The following PPP2R5C variants were observed in gnomAD, a reference collection of about 807,000 sequenced individuals.
PPP2R5C encodes serine/threonine-protein phosphatase 2A 56 kDa regulatory subunit gamma isoform.
Under a neutral mutation model 68.9 loss-of-function variants are expected in PPP2R5C, and 7 were observed. That is an observed-to-expected ratio of 0.10 (90% CI 0.06 to 0.19). PPP2R5C has a LOEUF of 0.19. PPP2R5C is among the 10% of genes least tolerant of loss of function. The pLI, the probability that PPP2R5C is intolerant of heterozygous loss-of-function variation, is 1.00. For missense variants in PPP2R5C, 348 were observed against 641.3 expected (o/e 0.54, Z 4.94); for synonymous variants, 210 against 222.2 (o/e 0.95, Z 0.49).
In PPP2R5C at chr14:101,891,193, G is replaced by A. The variant is rs1359937504; in HGVS notation, c.689+897G>A. ...AGTGCTTTTTCCTGCACCTTTTTAG[G>A]GATGTAGTGTAGATGGGCAGTTCCG... On this transcript the variant is annotated intron_variant, in intron 6 of 13. Transcript: ENST00000334743. The surrounding 1 kb of genome is among the most constrained non-coding windows in gnomAD (Gnocchi z 4.9). 4.6e-5 allele frequency among the ~76,000 whole-genome samples: 7 copies of A among 152,020 alleles called. No homozygotes were observed. Among genetic ancestry groups the A allele is most frequent in the African/African-American group, 1.7e-4 (7 of 41,386 alleles).
upstream of PPP2R5C, among the ~76,000 whole-genome samples, chr14:101,806,171 C>T (rs2140162636): frequency 6.6e-6 from 1 of 152,184 alleles, no homozygotes; most frequent in East Asian, 1.9e-4. Flanking sequence ...ATACATGTGT[C>T]ATGGTGGTTT....
At chr14:101,905,956 C>A (rs1299385632) in intron 9 of PPP2R5C, among the ~76,000 whole-genome samples, 1 of 152,196 alleles carries the variant, frequency 6.6e-6, no homozygotes, top group Non-Finnish European at 1.5e-5. Context: ...AATTAATAAT[C>A]ATCCATCACC....
chr14:101,830,381 C>T (rs2040664168), intron 1 of PPP2R5C, among the ~76,000 whole-genome samples: 1 of 152,252 alleles, frequency 6.6e-6, no homozygotes, highest in Admixed American at 6.5e-5. Flanking sequence ...CCATTCAGAA[C>T]TGTAAACAAA....
intron 12 of PPP2R5C, among the ~76,000 whole-genome samples, chr14:101,914,005 T>C (rs1466732890): frequency 6.6e-6 from 1 of 152,260 alleles, no homozygotes; most frequent in Non-Finnish European, 1.5e-5. Flanking sequence ...TTGTTTGTGT[T>C]GACAAACATG....
intron 3 of PPP2R5C, 25 bp from the exon 6 acceptor site, chr14:101,883,232 G>C: frequency 2.1e-6 from 3 of 1,432,372 alleles, no homozygotes; most frequent in South Asian, 1.2e-5. Flanking sequence ...CATGTTATTT[G>C]ACTCATTGTT....
At chr14:101,783,528 G>A (rs577146050) in intron 2 of PPP2R5C, among the ~76,000 whole-genome samples, 7 of 151,768 alleles carry the variant, frequency 4.6e-5, no homozygotes, top group South Asian at 2.1e-4. Flanking sequence ...TGGCCCTGAC[G>A]AGAGAATGGA....
rs145865284 is a variant in PPP2R5C at position 101,764,069 on chromosome 14, T to A, written c.93+1099T>A. Among the ~76,000 whole-genome samples, 693 of 150,556 alleles carry A rather than the reference T, an allele frequency of 4.6e-3. 26 individuals are homozygous for A. Among genetic ancestry groups the A allele is most frequent in the Non-Finnish European group, 8.7e-4 (59 of 67,836 alleles). On this transcript the variant is annotated intron_variant, in intron 2 of 14. Coordinates refer to the PPP2R5C transcript ENST00000328724. The stretch of plus-strand genomic sequence containing the variant: ...CGCGTCGGCCACTTGTAAATTTCTT[T>A]GCTTCTTGGCTTTGGCCTCATTGAG...
intron 3 of PPP2R5C, chr14:101,883,019 T>C (rs572264794): frequency 4.5e-6 from 2 of 446,126 alleles, no homozygotes; most frequent in Admixed American, 4.1e-5. Context: ...ACATCAGCCA[T>C]GGAGATCATT....
chr14:101,863,825 G>T (rs1284866685), intron 2 of PPP2R5C, among the ~76,000 whole-genome samples: 2 of 152,116 alleles, frequency 1.3e-5, no homozygotes, highest in African/African-American at 4.8e-5. Flanking sequence ...TTGAACCCGG[G>T]AGTGGGAGGT....
At chr14:101,829,463 C>A (rs891218632) in intron 1 of PPP2R5C, among the ~76,000 whole-genome samples, 1 of 152,068 alleles carries the variant, frequency 6.6e-6, no homozygotes, top group African/African-American at 2.4e-5. Flanking sequence ...GGCTACGGGC[C>A]CCACCTGGAC....
chr14:101,779,965 T>C (rs530547881), intron 2 of PPP2R5C, among the ~76,000 whole-genome samples: 2 of 152,298 alleles, frequency 1.3e-5, no homozygotes, highest in African/African-American at 4.8e-5. Flanking sequence ...GGGAATCATA[T>C]AGGGAAGCCC....
rs2044206876 is a variant in PPP2R5C, at chr14:101,882,147, T to C, written c.295-14T>C. 2 of 1,556,282 alleles carry C rather than the reference T, an allele frequency of 1.3e-6. No homozygotes were observed. Among genetic ancestry groups the C allele is most frequent in the Non-Finnish European group, 1.8e-6 (2 of 1,138,446 alleles). On this transcript the variant is annotated splice_polypyrimidine_tract_variant and intron_variant, in intron 2 of 13. Coordinates refer to ENST00000334743, the Ensembl canonical transcript of PPP2R5C. This position sits in a 1 kb window ranked among gnomAD's most constrained non-coding sequence, Gnocchi z 4.9. ...AAATGCCCTGATTGTAATTATAGAA[T>C]ATGTGGATTTTAGTTTGCAGTTAAC... is the stretch of plus-strand genomic sequence containing the variant.
intron 3 of PPP2R5C, among the ~76,000 whole-genome samples, chr14:101,802,400 G>T (rs1006389053): frequency 1.3e-5 from 2 of 152,118 alleles, no homozygotes; most frequent in Non-Finnish European, 2.9e-5. Flanking sequence ...GACAGAGCGA[G>T]ACTCTGTCTC....
At chr14:101,760,590 G>A, upstream of PPP2R5C, 1 of 680,756 alleles carries the variant, frequency 1.5e-6, no homozygotes, top group Non-Finnish European at 1.8e-6. Flanking sequence ...GCGGAGGGCG[G>A]GACCAACCAG....
At chr14:101,905,092 G>A (rs1322144747) in intron 9 of PPP2R5C, among the ~76,000 whole-genome samples, 5 of 152,248 alleles carry the variant, frequency 3.3e-5, no homozygotes, top group African/African-American at 1.2e-4. Context: ...AGTGGCTCAC[G>A]CCTGTAGTCC....
At chr14:101,926,612 A>T (rs1447049823) in exon 14 of PPP2R5C, 1 of 152,632 alleles carries the variant, frequency 6.6e-6, no homozygotes, top group African/African-American at 2.4e-5. Context: ...TAAACACGTG[A>T]TCTAGTTTCT....
intron 9 of PPP2R5C, among the ~76,000 whole-genome samples, chr14:101,905,033 C>T (rs531928374): frequency 6.6e-6 from 1 of 152,334 alleles, no homozygotes; most frequent in South Asian, 2.1e-4. Flanking sequence ...AGTCTTGCAG[C>T]TTTGTCTGTT....
exon 8 of PPP2R5C, chr14:101,894,540 G>A: frequency 6.2e-7 from 1 of 1,613,968 alleles, no homozygotes; most frequent in South Asian, 1.1e-5. Context: ...TTTAGAAAAG[G>A]ACAGCACCCT....
intron 9 of PPP2R5C, among the ~76,000 whole-genome samples, chr14:101,903,964 G>T (rs562575343): frequency 6.6e-6 from 1 of 151,500 alleles, no homozygotes; most frequent in Non-Finnish European, 1.5e-5. Context: ...ATAAGCCACC[G>T]CGCCAGCTCA....
Sources: allele counts gnomAD v4.1 joint callset (sites outside exome capture counted in the v4.1 genomes callset), GRCh38; gene constraint gnomAD v4.1.1; non-coding constraint Gnocchi (gnomAD v3.1); transcripts MANE v1.5; gene names NCBI Gene and HGNC (gene_info 2026-07-23, HGNC 2026-07-21).